The following EIF4E2 variants were observed in gnomAD, a reference collection of about 807,000 sequenced individuals.
EIF4E2 encodes eukaryotic translation initiation factor 4E family member 2.
EIF4E2 carries 13 observed loss-of-function variants against 34.2 expected under a neutral mutation model. The observed-to-expected ratio is 0.38, with a 90% CI of 0.25 to 0.60. EIF4E2 has a LOEUF of 0.60. Among genes scored for constraint, EIF4E2 ranks in the 20% least tolerant of loss-of-function variants. EIF4E2 has a pLI of 0.62. For missense variants in EIF4E2, 222 were observed against 315.1 expected (o/e 0.70, Z 2.24); for synonymous variants, 100 against 106.6 (o/e 0.94, Z 0.38).
rs945136564 is a variant in EIF4E2 at position 232,578,546 on chromosome 2, G to A, written c.666-2358G>A. Reference sequence around the variant, plus strand: ...CTTGGGAGGCTGAGGCAGGAGAATCGCTTGAACCCAGGAGGCGGAGGATGC... The same window carrying A: ...CTTGGGAGGCTGAGGCAGGAGAATCACTTGAACCCAGGAGGCGGAGGATGC... On this transcript the variant is annotated intron_variant, in intron 6 of 6. Coordinates refer to the EIF4E2 transcript ENST00000409098. Among the ~76,000 whole-genome samples the A allele has an allele frequency of 4.0e-5, 6 of 151,736 alleles. No homozygotes were observed. The East Asian group carries it at 7.8e-4, about 20-fold the overall frequency.
intron 3 of EIF4E2, among the ~76,000 whole-genome samples, chr2:232,563,392 T>TC (rs1165540810): frequency 6.6e-6 from 1 of 151,708 alleles, no homozygotes; most frequent in Non-Finnish European, 1.5e-5. Context: ...TCTTTTTTTT[T>TC]TCTTTTTTTT....
At chr2:232,569,698 C>G (rs1693045558), downstream of EIF4E2, 1 of 152,336 alleles carries the variant, frequency 6.6e-6, no homozygotes, top group Non-Finnish European at 1.5e-5. Context: ...GCTGCCCAAG[C>G]CACAGCTCTT....
At chr2:232,571,480 A>G (rs1205744726), downstream of EIF4E2, among the ~76,000 whole-genome samples, 2 of 152,224 alleles carry the variant, frequency 1.3e-5, no homozygotes. Flanking sequence ...TGAAACAGCA[A>G]TGTCTTTTGT....
downstream of EIF4E2, chr2:232,569,270 G>C: frequency 7.5e-7 from 1 of 1,327,670 alleles, no homozygotes; most frequent in Non-Finnish European, 9.6e-7. Context: ...CGGACTGACT[G>C]TCACCATATT....
Position 232,581,031 on chromosome 2 carries a change from C to A in EIF4E2, c.*88C>A. On this transcript the variant is annotated 3_prime_UTR_variant, in exon 7 of 7. Coordinates refer to the EIF4E2 transcript ENST00000409098. This position sits in a 1 kb window ranked among gnomAD's most constrained non-coding sequence, Gnocchi z 5.2. ...GCCTCCAGCCAGTCCTTCCATTGCT[C>A]ACTGAAGGGACGTCCCTGAGCCGTG... The A allele has an allele frequency of 1.5e-6, 2 of 1,328,812 alleles. No homozygotes were observed. The highest frequency in any genetic ancestry group is 1.3e-5 in the South Asian group (1 of 79,570). The allele number at this position is 1,328,812 out of a possible 1,614,324, so 82.3% of individuals were successfully genotyped here. A position where few individuals can be genotyped will look rare whatever the true frequency, so the allele number is the denominator to read the frequency against.
chr2:232,581,279 A>G lies in EIF4E2; in HGVS notation c.*336A>G. On this transcript the variant is annotated 3_prime_UTR_variant, in exon 7 of 7. Transcript: ENST00000409098. The surrounding 1 kb of genome is among the most constrained non-coding windows in gnomAD (Gnocchi z 5.2). ...TCTCTTCCCGTGTTGTACGAAGGGT[A>G]CCGTGGCCACGTGTACATGCCAGAG... 3 of 424,404 alleles carry G rather than the reference A, an allele frequency of 7.1e-6. No individual in the cohort carries two copies. The highest frequency in any genetic ancestry group is 2.0e-5 in the South Asian group (1 of 49,714). The allele number at this position is 424,404 out of a possible 1,614,324, so 26.3% of individuals were successfully genotyped here. A position where few individuals can be genotyped will look rare whatever the true frequency, so the allele number is the denominator to read the frequency against.
chr2:232,550,724 G>A lies in EIF4E2; in HGVS notation c.-1G>A, dbSNP rs1243743013. ...GCAGTGGCGACAGCGGCGGCGAGAG[G>A]ATGAACAACAAGTTCGACGCGTGAG... is the stretch of plus-strand genomic sequence containing the variant. On this transcript the variant is annotated 5_prime_UTR_variant, in exon 1 of 7. Transcript: ENST00000258416. 3.2e-6 allele frequency: 5 copies of A among 1,586,290 alleles called. No homozygotes were observed. Among genetic ancestry groups the A allele is most frequent in the Non-Finnish European group, 3.4e-6 (4 of 1,168,122 alleles).
intron 3 of EIF4E2, among the ~76,000 whole-genome samples, chr2:232,562,450 G>A (rs1377936705): frequency 6.6e-6 from 1 of 152,110 alleles, no homozygotes; most frequent in Non-Finnish European, 1.5e-5. Flanking sequence ...GCCAGGCGTG[G>A]TGGTGTGTGC....
intron 6 of EIF4E2, among the ~76,000 whole-genome samples, chr2:232,579,891 G>A (rs1317362776): frequency 6.6e-6 from 1 of 152,142 alleles, no homozygotes; most frequent in African/African-American, 2.4e-5. Context: ...GAAGTCCACA[G>A]CACTGGGCAA....
intron 6 of EIF4E2, among the ~76,000 whole-genome samples, chr2:232,576,732 C>T (rs779075251): frequency 1.2e-4 from 19 of 152,212 alleles, no homozygotes; most frequent in Non-Finnish European, 2.1e-4. Context: ...GATTTAACCT[C>T]GCTGTAAGTG....
At chr2:232,568,610 A>C in intron 6 of EIF4E2, 1 of 985,426 alleles carries the variant, frequency 1.0e-6, no homozygotes, top group Non-Finnish European at 1.2e-6. Context: ...TAAGCTTTTT[A>C]CCTGGATAGG....
At chr2:232,567,459 G>T in intron 6 of EIF4E2, 5 of 1,300,974 alleles carry the variant, frequency 3.8e-6, no homozygotes, top group Non-Finnish European at 4.9e-6. Context: ...GTACTACCTG[G>T]GCTTGCTTAA....
At chr2:232,573,753 G>C (rs1217214823), downstream of EIF4E2, 7 of 280,792 alleles carry the variant, frequency 2.5e-5, no homozygotes, top group Admixed American at 1.4e-4. Context: ...AGGGTTAGAA[G>C]GTCGGAAATA....
At chr2:232,556,629 C>A in intron 2 of EIF4E2, 99 bp downstream of exon 2, 2 of 840,182 alleles carry the variant, frequency 2.4e-6, no homozygotes, top group Admixed American at 2.2e-5. Flanking sequence ...AACTTGATGG[C>A]ATCCTGTGTT....
At chr2:232,580,949 C>G (rs1693342154) in exon 7 of EIF4E2, 1 of 1,550,090 alleles carries the variant, frequency 6.5e-7, no homozygotes, top group Admixed American at 2.0e-5. Context: ...TGTGAGAGTA[C>G]ACAAGCTGGC....
chr2:232,564,222 T>C (rs1428445072), intron 3 of EIF4E2, 25 bp from the exon 4 acceptor site: 2 of 1,512,336 alleles, frequency 1.3e-6, no homozygotes, highest in East Asian at 2.3e-5. Context: ...CACATGTTTT[T>C]TACTCTGGGG....
chr2:232,574,797 A>T (rs1253112722), intron 6 of EIF4E2, among the ~76,000 whole-genome samples: 2 of 152,162 alleles, frequency 1.3e-5, no homozygotes, highest in Admixed American at 6.5e-5. Context: ...AGTAATATAA[A>T]TTCAGCGTTT....
intron 6 of EIF4E2, among the ~76,000 whole-genome samples, chr2:232,580,321 AGT>A (rs1403527972): frequency 6.6e-6 from 1 of 152,114 alleles, no homozygotes; most frequent in Non-Finnish European, 1.5e-5. Context: ...TGTTTTCAAA[AGT>A]GTGTGTTAGA....
intron 6 of EIF4E2, among the ~76,000 whole-genome samples, chr2:232,580,350 G>C (rs572565293): frequency 5.8e-4 from 89 of 152,214 alleles, no homozygotes; most frequent in African/African-American, 2.0e-3. Context: ...GAAAGGGGGG[G>C]AGAGAGAACA....
Sources: gnomAD v4.1 joint callset for allele counts (sites outside exome capture counted in the v4.1 genomes callset) on GRCh38, gnomAD v4.1.1 for gene constraint, Gnocchi (gnomAD v3.1) non-coding constraint, MANE v1.5 for transcripts, NCBI Gene and HGNC (gene_info 2026-07-23, HGNC 2026-07-21) for gene names.